Variants in LRP1B observed in about 807,000 individuals in gnomAD.
LRP1B encodes the protein low-density lipoprotein receptor-related protein 1B.
LRP1B carries 217 observed loss-of-function variants against 556.6 expected under a neutral mutation model. That is an observed-to-expected ratio of 0.39 (90% CI 0.35 to 0.44). LRP1B has a LOEUF of 0.44. LRP1B is among the 20% of genes least tolerant of loss of function. The probability of loss-of-function intolerance (pLI) is 1.00; values close to 1 mark genes in which losing one functional copy is unlikely to be tolerated. For missense variants in LRP1B, 5,053 were observed against 5,620.8 expected (o/e 0.90, Z 3.23); for synonymous variants, 2,047 against 1,865.8 (o/e 1.10, Z -2.50).
intron 2 of LRP1B, among the ~76,000 whole-genome samples, chr2:141,669,407 T>G (rs1404149194): frequency 6.6e-6 from 1 of 152,120 alleles, no homozygotes; most frequent in African/African-American, 2.4e-5. Flanking sequence ...TTCTATTGTT[T>G]AAGCCACCCA....
intron 84 of LRP1B, among the ~76,000 whole-genome samples, chr2:140,291,312 A>ATTTTT (rs1277678661): frequency 1.6e-5 from 1 of 63,414 alleles, no homozygotes; most frequent in African/African-American, 5.3e-5. Flanking sequence ...ATATATATAT[A>ATTTTT]TATATATTTT....
At chr2:142,109,123 G>A (rs1485347128) in intron 1 of LRP1B, among the ~76,000 whole-genome samples, 2 of 152,162 alleles carry the variant, frequency 1.3e-5, no homozygotes, top group African/African-American at 4.8e-5. Context: ...ATTTTTCAGA[G>A]ACAAATATCT....
chr2:140,361,293 C>T (rs1479606960), intron 72 of LRP1B, among the ~76,000 whole-genome samples: 1 of 128,950 alleles, frequency 7.8e-6, no homozygotes, highest in Non-Finnish European at 1.6e-5. Flanking sequence ...TACTACAAGG[C>T]CAACTGATAC....
intron 7 of LRP1B, among the ~76,000 whole-genome samples, chr2:141,094,195 C>T (rs1013877909): frequency 2.8e-4 from 43 of 152,150 alleles, no homozygotes; most frequent in African/African-American, 9.2e-4. Flanking sequence ...TGTGATGGAT[C>T]AGGAGACTTC....
At chr2:141,971,638 C>T (rs1275854536) in intron 1 of LRP1B, among the ~76,000 whole-genome samples, 2 of 151,386 alleles carry the variant, frequency 1.3e-5, no homozygotes, top group African/African-American at 4.8e-5. Context: ...ATTTATATTG[C>T]AGAGAGAGCC....
intron 67 of LRP1B, among the ~76,000 whole-genome samples, chr2:140,383,293 C>CATGTGTGT (rs1553457406): frequency 0.023 from 3,395 of 145,728 alleles, 53 homozygotes; most frequent in Non-Finnish European, 0.03. Context: ...CAGTGATGTG[C>CATGTGTGT]GTGTGTGTGT....
At chr2:141,144,153 A>G (rs1459877066) in intron 7 of LRP1B, among the ~76,000 whole-genome samples, 1 of 152,176 alleles carries the variant, frequency 6.6e-6, no homozygotes, top group African/African-American at 2.4e-5. Context: ...ATTTTTATGA[A>G]GGAGAAAAGA....
intron 29 of LRP1B, among the ~76,000 whole-genome samples, chr2:140,843,592 G>C (rs1692187224): frequency 6.6e-6 from 1 of 151,960 alleles, no homozygotes; most frequent in Non-Finnish European, 1.5e-5. Flanking sequence ...GATATTACCT[G>C]ATCTTTCCAC....
chr2:142,043,310 T>C (rs746353929), intron 1 of LRP1B, among the ~76,000 whole-genome samples: 2 of 151,616 alleles, frequency 1.3e-5, no homozygotes, highest in African/African-American at 2.4e-5. Flanking sequence ...TAATTCCCAC[T>C]TTCTCAAGTC....
In LRP1B at chr2:140,350,835, G is replaced by T. The variant is rs1430416513; in HGVS notation, c.11854C>A (p.His3952Asn). The change falls in exon 77 of 91, where the codon CAT becomes AAT. Residue 3952 changes from histidine to asparagine, a missense_variant. By Grantham distance (68) the His-to-Asn change is moderately conservative. Transcript: ENST00000389484. The part of the protein sequence containing the change: ...NPGGIFYKRI[H>N]GREKRQANSG... ...TTTGCTTGCCTTTTTTCTCTGCCAT[G>T]GATCCTTTTGTAGAAAATTCCGCCT... 3 of 1,610,808 alleles carry T rather than the reference G, an allele frequency of 1.9e-6. No individual in the cohort carries two copies. The highest frequency in any genetic ancestry group is 1.7e-6 in the Non-Finnish European group (2 of 1,178,368).
chr2:141,603,654 A>G (rs1478400564), intron 2 of LRP1B, among the ~76,000 whole-genome samples: 2 of 152,148 alleles, frequency 1.3e-5, no homozygotes, highest in Non-Finnish European at 2.9e-5. Context: ...TTAAAAGTTC[A>G]TATTTGAGGC....
chr2:140,991,131 T>C (rs1697081069), intron 16 of LRP1B, among the ~76,000 whole-genome samples: 1 of 152,162 alleles, frequency 6.6e-6, no homozygotes, highest in South Asian at 2.1e-4. Context: ...TCAGGGACTT[T>C]AGCAAGAATA....
chr2:141,794,061 T>G (rs935225893), intron 2 of LRP1B, among the ~76,000 whole-genome samples: 1 of 151,946 alleles, frequency 6.6e-6, no homozygotes, highest in Non-Finnish European at 1.5e-5. Flanking sequence ...ACTATTGGAA[T>G]TAGGTCATCT....
intron 2 of LRP1B, among the ~76,000 whole-genome samples, chr2:141,705,882 T>C (rs1692118034): frequency 6.6e-6 from 1 of 152,046 alleles, no homozygotes; most frequent in African/African-American, 2.4e-5. Context: ...TCCTAAATAG[T>C]TATTCCATAG....
chr2:141,586,721 T>G (rs1001007072), intron 2 of LRP1B, among the ~76,000 whole-genome samples: 16 of 151,918 alleles, frequency 1.1e-4, no homozygotes, highest in Admixed American at 2.0e-4. Flanking sequence ...GGCGGGTGGA[T>G]CACAAGGTCA....
intron 6 of LRP1B, among the ~76,000 whole-genome samples, chr2:141,205,241 T>C (rs1490579573): frequency 6.6e-6 from 1 of 152,178 alleles, no homozygotes; most frequent in Non-Finnish European, 1.5e-5. Flanking sequence ...TAAAATTAAA[T>C]TAAGTGCTAC....
chr2:140,526,847 T>G (rs1690459803), intron 47 of LRP1B, among the ~76,000 whole-genome samples: 1 of 151,734 alleles, frequency 6.6e-6, no homozygotes, highest in African/African-American at 2.4e-5. Flanking sequence ...CCTGCTATAA[T>G]AGAGAGAGAC....
intron 23 of LRP1B, among the ~76,000 whole-genome samples, chr2:140,891,037 T>A (rs1197254534): frequency 5.9e-5 from 9 of 152,128 alleles, no homozygotes; most frequent in Admixed American, 2.6e-4. Flanking sequence ...AACGACTGAA[T>A]TTAACAGCTC....
chr2:140,798,428 C>A (rs943744968), intron 32 of LRP1B, among the ~76,000 whole-genome samples: 2 of 152,092 alleles, frequency 1.3e-5, no homozygotes, highest in South Asian at 2.1e-4. Flanking sequence ...AACTTTTATA[C>A]CATCAGGTTT....
Sources: allele counts gnomAD v4.1 joint callset (sites outside exome capture counted in the v4.1 genomes callset), GRCh38; gene constraint gnomAD v4.1.1; transcripts MANE v1.5; gene names NCBI Gene and HGNC (gene_info 2026-07-23, HGNC 2026-07-21).